Variants in GALNT13 observed in about 807,000 individuals in gnomAD.
GALNT13 encodes the protein polypeptide N-acetylgalactosaminyltransferase 13, also known as UDP-GalNAc:polypeptide N-acetylgalactosaminyltransferase 13.
In GALNT13, 28 loss-of-function variants were observed where a neutral mutation model predicts 64.2. The ratio of observed to expected loss-of-function variants is 0.44; its 90% confidence interval spans 0.32 to 0.60. The LOEUF is 0.60. GALNT13 is among the 20% of genes least tolerant of loss of function. The probability of loss-of-function intolerance (pLI) is 0.05; values close to 1 mark genes in which losing one functional copy is unlikely to be tolerated. For missense variants in GALNT13, 577 were observed against 669.8 expected, an observed-to-expected ratio of 0.86 and a Z score of 1.53; for synonymous variants, 214 against 224.6, an observed-to-expected ratio of 0.95 and a Z score of 0.42.
At chr2:153,990,973 G>A (rs564175794) in intron 3 of GALNT13, among the ~76,000 whole-genome samples, 2 of 152,236 alleles carry the variant, frequency 1.3e-5, no homozygotes, top group South Asian at 4.1e-4. Context: ...TTTGGGATGG[G>A]TGCCCATGGT....
chr2:153,701,314 C>T, the GALNT13 span, among the ~76,000 whole-genome samples: 67 of 152,262 alleles, frequency 4.4e-4, no homozygotes, highest in African/African-American at 1.4e-3. Flanking sequence ...GAAACTGGAC[C>T]ACTTCCTTAC....
chr2:154,012,437 T>C (rs1696710981), intron 3 of GALNT13, among the ~76,000 whole-genome samples: 1 of 152,180 alleles, frequency 6.6e-6, no homozygotes, highest in African/African-American at 2.4e-5. Flanking sequence ...GAAAGTTTCA[T>C]TGTTAGCCTG....
chr2:153,490,371 T>C, the GALNT13 span, among the ~76,000 whole-genome samples: 2 of 152,118 alleles, frequency 1.3e-5, no homozygotes, highest in South Asian at 4.1e-4. Context: ...AAGAGAAATA[T>C]TTTATTTATT....
intron 10 of GALNT13, among the ~76,000 whole-genome samples, chr2:154,406,914 T>C (rs915242261): frequency 1.3e-5 from 2 of 152,174 alleles, no homozygotes; most frequent in African/African-American, 4.8e-5. Flanking sequence ...TACTAAAACA[T>C]TAAAGTGTTA....
the GALNT13 span, among the ~76,000 whole-genome samples, chr2:153,101,429 C>G: frequency 0.029 from 4,478 of 152,262 alleles, 230 homozygotes; most frequent in African/African-American, 0.1. Flanking sequence ...CCAGGAATGT[C>G]AGGCATACGC....
intron 3 of GALNT13, among the ~76,000 whole-genome samples, chr2:154,132,894 C>A (rs201878989): frequency 2.3e-3 from 302 of 132,398 alleles, no homozygotes; most frequent in East Asian, 2.7e-3. Context: ...GACTCTGTCT[C>A]AAAAAAAAAA....
At chr2:153,703,336 CA>C in the GALNT13 span, among the ~76,000 whole-genome samples, 1 of 151,928 alleles carries the variant, frequency 6.6e-6, no homozygotes, top group Non-Finnish European at 1.5e-5. Context: ...TTTAATATTT[CA>C]TAAGGGTATA....
rs560334577 is a variant in GALNT13, at chr2:154,042,548, A to T, written c.143-97789A>T. Among the ~76,000 whole-genome samples, 9 of 131,872 alleles carry T rather than the reference A, an allele frequency of 6.8e-5. 1 individual carries two copies. In the East Asian group the frequency reaches 1.9e-3, roughly 27 times the overall value. 86.5% of individuals were successfully genotyped at this position (131,872 alleles called of 152,430 possible). The stretch of plus-strand genomic sequence containing the variant: ...AAGCAGCCTTCCAGACAATATCATA[A>T]TCTTTTTTAAAGTGCACAGCACTAT... On this transcript the variant is annotated intron_variant, in intron 3 of 12. Coordinates refer to ENST00000392825, the MANE Select transcript of GALNT13 (RefSeq NM_052917.4).
At chr2:153,370,301 A>G in the GALNT13 span, among the ~76,000 whole-genome samples, 1 of 152,194 alleles carries the variant, frequency 6.6e-6, no homozygotes, top group Non-Finnish European at 1.5e-5. Context: ...AGAGGAAAGA[A>G]TATTTCCCAA....
chr2:154,302,191 G>GA (rs538644528), intron 9 of GALNT13, among the ~76,000 whole-genome samples: 61 of 151,628 alleles, frequency 4.0e-4, no homozygotes, highest in South Asian at 3.5e-3. Flanking sequence ...CATTAAAAAG[G>GA]AAAAAAATGA....
chr2:154,297,540 A>G (rs972214402), intron 8 of GALNT13, among the ~76,000 whole-genome samples: 1 of 152,202 alleles, frequency 6.6e-6, no homozygotes, highest in African/African-American at 2.4e-5. Flanking sequence ...ATAGTCATCT[A>G]CAAGTCAGCA....
At chr2:153,718,046 A>G in the GALNT13 span, among the ~76,000 whole-genome samples, 1 of 152,166 alleles carries the variant, frequency 6.6e-6, no homozygotes, top group Non-Finnish European at 1.5e-5. Flanking sequence ...TTCTGAGAAT[A>G]TGGCTCACCT....
intron 9 of GALNT13, among the ~76,000 whole-genome samples, chr2:154,352,668 T>C (rs140679885): frequency 7.7e-4 from 117 of 152,316 alleles, no homozygotes; most frequent in African/African-American, 2.6e-3. Context: ...CAACACCACA[T>C]TCTTCTTATA....
the GALNT13 span, among the ~76,000 whole-genome samples, chr2:153,186,965 C>G: frequency 1.3e-5 from 2 of 152,046 alleles, no homozygotes; most frequent in Non-Finnish European, 2.9e-5. Context: ...TGCTGAATTC[C>G]CTAAGTATTT....
At chr2:154,093,069 A>G (rs1024617513) in intron 3 of GALNT13, among the ~76,000 whole-genome samples, 41 of 152,046 alleles carry the variant, frequency 2.7e-4, no homozygotes, top group African/African-American at 9.9e-4. Flanking sequence ...AAAAGATTTC[A>G]TGTACCATTA....
intron 9 of GALNT13, among the ~76,000 whole-genome samples, chr2:154,333,214 A>G (rs1235701537): frequency 6.6e-6 from 1 of 152,080 alleles, no homozygotes; most frequent in African/African-American, 2.4e-5. Context: ...GAAAATAAAT[A>G]CAAGAATTTT....
At chr2:154,256,855 C>A (rs1020315544) in intron 7 of GALNT13, among the ~76,000 whole-genome samples, 1 of 152,084 alleles carries the variant, frequency 6.6e-6, no homozygotes, top group African/African-American at 2.4e-5. Flanking sequence ...CCTTGAAAAG[C>A]AAATAATTTC....
chr2:153,963,400 G>A (rs1359893813), intron 3 of GALNT13, among the ~76,000 whole-genome samples: 4 of 152,166 alleles, frequency 2.6e-5, no homozygotes, highest in Non-Finnish European at 5.9e-5. Flanking sequence ...ACAAGTCTTT[G>A]TGTGGACATA....
chr2:153,914,363 TAGTCCC>T (rs1689184798), intron 2 of GALNT13, among the ~76,000 whole-genome samples: 2 of 151,682 alleles, frequency 1.3e-5, no homozygotes, highest in South Asian at 4.2e-4. Context: ...TGTGTGCCTG[TAGTCCC>T]AGCTACCTGG....
Sources: allele counts gnomAD v4.1 joint callset (sites outside exome capture counted in the v4.1 genomes callset), GRCh38; gene constraint gnomAD v4.1.1; transcripts MANE v1.5; gene names NCBI Gene and HGNC (gene_info 2026-07-23, HGNC 2026-07-21).